The following DPP10 variants were observed in gnomAD, a reference collection of about 807,000 sequenced individuals.
DPP10 encodes the protein dipeptidyl peptidase like 10, also known as inactive dipeptidyl peptidase 10.
A neutral mutation model predicts 120.9 loss-of-function variants in DPP10; 33 were observed. The observed-to-expected ratio is 0.27, with a 90% confidence interval of 0.21 to 0.37. The LOEUF is 0.37. Among genes scored for constraint, DPP10 ranks in the 10% least tolerant of loss-of-function variants. The probability of loss-of-function intolerance (pLI) is 1.00; values close to 1 mark genes in which losing one functional copy is unlikely to be tolerated. For missense variants in DPP10, 816 were observed against 942.8 expected (o/e 0.87, Z 1.76); for synonymous variants, 337 against 326.1 (o/e 1.03, Z -0.36).
chr2:114,490,878 C>T (rs1019805891), intron 1 of DPP10, among the ~76,000 whole-genome samples: 6 of 151,962 alleles, frequency 3.9e-5, no homozygotes, highest in Non-Finnish European at 5.9e-5. Context: ...CACTAGTAGA[C>T]GTATTTAGTT....
chr2:115,249,984 A>C (rs534587364), intron 1 of DPP10, among the ~76,000 whole-genome samples: 10 of 152,298 alleles, frequency 6.6e-5, no homozygotes, highest in South Asian at 6.2e-4. Context: ...TACGCTGACC[A>C]AACACTGAAA....
intron 8 of DPP10, among the ~76,000 whole-genome samples, chr2:115,735,068 T>C (rs2093004068): frequency 6.6e-6 from 1 of 152,118 alleles, no homozygotes. Context: ...CTCACATAAT[T>C]TGGATGCATG....
chr2:115,831,462 A>G (rs1207658824), intron 21 of DPP10, among the ~76,000 whole-genome samples: 2 of 151,844 alleles, frequency 1.3e-5, no homozygotes, highest in African/African-American at 2.4e-5. Context: ...CTGGTCTCCA[A>G]CTCCTTACCT....
chr2:114,510,350 A>G (rs191476971), intron 1 of DPP10, among the ~76,000 whole-genome samples: 1 of 152,338 alleles, frequency 6.6e-6, no homozygotes, highest in Non-Finnish European at 1.5e-5. Context: ...TCATGCCTGT[A>G]ATCCCAGCAC....
intron 1 of DPP10, among the ~76,000 whole-genome samples, chr2:114,680,928 AACATGTACCTAT>A (rs1698985716): frequency 6.6e-6 from 1 of 151,998 alleles, no homozygotes; most frequent in Non-Finnish European, 1.5e-5. Flanking sequence ...TCCTCCATGT[AACATGTACCTAT>A]TCCATGTTTT....
At chr2:115,326,744 G>T (rs1032359330) in intron 2 of DPP10, among the ~76,000 whole-genome samples, 12 of 151,970 alleles carry the variant, frequency 7.9e-5, no homozygotes, top group African/African-American at 2.2e-4. Flanking sequence ...ATAGACAAAG[G>T]TTATGCAATA....
intron 21 of DPP10, among the ~76,000 whole-genome samples, chr2:115,829,365 A>G (rs549073473): frequency 6.6e-6 from 1 of 152,260 alleles, no homozygotes; most frequent in Non-Finnish European, 1.5e-5. Context: ...TTTCTGTTGA[A>G]TTCTGTCTTT....
At chr2:115,075,774 A>C (rs1434713034) in intron 1 of DPP10, among the ~76,000 whole-genome samples, 1 of 151,706 alleles carries the variant, frequency 6.6e-6, no homozygotes, top group African/African-American at 2.4e-5. Context: ...CTTTTTAATT[A>C]AAATTCTATT....
intron 1 of DPP10, among the ~76,000 whole-genome samples, chr2:114,978,112 G>A (rs1173129641): frequency 6.6e-6 from 1 of 152,088 alleles, no homozygotes; most frequent in Non-Finnish European, 1.5e-5. Context: ...GTAGCATGAT[G>A]AATTTAGCAG....
intron 3 of DPP10, among the ~76,000 whole-genome samples, chr2:115,347,438 ATTTT>A (rs1559463566): frequency 6.6e-6 from 1 of 152,098 alleles, no homozygotes; most frequent in Admixed American, 6.6e-5. Context: ...AGGTTAAAAT[ATTTT>A]TAAATCTTAT....
At chr2:115,389,042 C>A (rs553499109) in intron 3 of DPP10, among the ~76,000 whole-genome samples, 1 of 152,276 alleles carries the variant, frequency 6.6e-6, no homozygotes, top group African/African-American at 2.4e-5. Context: ...TCCAACTTTC[C>A]TTTACCAAAT....
intron 7 of DPP10, among the ~76,000 whole-genome samples, chr2:115,723,771 G>A (rs1381209865): frequency 6.6e-6 from 1 of 152,038 alleles, no homozygotes; most frequent in Non-Finnish European, 1.5e-5. Flanking sequence ...AGTTTTCACT[G>A]CATCCCTGCC....
At chr2:115,093,094 CTAGCT>C (rs1255774232) in intron 1 of DPP10, among the ~76,000 whole-genome samples, 5 of 152,154 alleles carry the variant, frequency 3.3e-5, no homozygotes, top group African/African-American at 1.2e-4. Flanking sequence ...AGGTGAAAGT[CTAGCT>C]TGAACTCAGT....
At position 114,739,529 on chromosome 2, in the gene DPP10, C is replaced by T. The variant is rs547643700; in HGVS notation, c.60+296691C>T. 6.6e-4 allele frequency among the ~76,000 whole-genome samples: 101 copies of T among 152,124 alleles called. 1 individual carries two copies. The Middle Eastern group carries it at 0.024, about 36-fold the overall frequency. ...CAAAAAGTAACCAAGTGTAGTGGCA[C>T]GCACCTGTAATCCCAGCTACTTGGG... On this transcript the variant is annotated intron_variant, in intron 1 of 25. Coordinates refer to ENST00000410059, the MANE Select transcript of DPP10 (RefSeq NM_020868.6).
chr2:114,553,704 T>G (rs1227938988), intron 1 of DPP10, among the ~76,000 whole-genome samples: 1 of 152,128 alleles, frequency 6.6e-6, no homozygotes, highest in African/African-American at 2.4e-5. Context: ...TTTTCCACAG[T>G]AGAAACATTT....
chr2:114,930,029 A>C (rs1237779628), intron 1 of DPP10, among the ~76,000 whole-genome samples: 1 of 152,198 alleles, frequency 6.6e-6, no homozygotes, highest in African/African-American at 2.4e-5. Context: ...CCAGGGAGGC[A>C]CAGGAAATTG....
intron 1 of DPP10, among the ~76,000 whole-genome samples, chr2:115,080,605 G>A (rs186497139): frequency 6.6e-6 from 1 of 152,254 alleles, no homozygotes; most frequent in African/African-American, 2.4e-5. Context: ...AATCACAAAA[G>A]AGACCATAAG....
intron 7 of DPP10, among the ~76,000 whole-genome samples, chr2:115,713,236 A>G (rs1042108851): frequency 6.6e-6 from 1 of 152,216 alleles, no homozygotes. Context: ...AAATTGAGTC[A>G]TAAAGGAAGA....
chr2:115,768,157 A>AT lies in DPP10; in HGVS notation c.1114-133dup, dbSNP rs145874202. On this transcript the variant is annotated intron_variant, in intron 12 of 25. Transcript: ENST00000410059. Reference sequence around the variant, plus strand: ...AAAGTTTAAAAAATAGCATACATTCATTTTTTTAAAATAATGTGCCCATTT... The same window carrying AT: ...AAAGTTTAAAAAATAGCATACATTCATTTTTTTTAAAATAATGTGCCCATTT... The AT allele has an allele frequency of 4.0e-3, 2,730 of 675,572 alleles. 16 individuals are homozygous for AT. The highest frequency in any genetic ancestry group is 5.6e-3 in the Non-Finnish European group (2,358 of 423,916). 41.8% of individuals were successfully genotyped at this position (675,572 alleles called of 1,614,324 possible).
Sources: gnomAD v4.1 joint callset for allele counts (sites outside exome capture counted in the v4.1 genomes callset) on GRCh38, gnomAD v4.1.1 for gene constraint, MANE v1.5 for transcripts, NCBI Gene and HGNC (gene_info 2026-07-23, HGNC 2026-07-21) for gene names.